The following ZMYND15 variants were observed in gnomAD, a reference collection of about 807,000 sequenced individuals.
The protein encoded by ZMYND15 is zinc finger MYND domain-containing protein 15.
Under a neutral mutation model 81.7 loss-of-function variants are expected in ZMYND15, and 54 were observed. The ratio of observed to expected loss-of-function variants is 0.66; its 90% CI spans 0.53 to 0.83. The LOEUF (loss-of-function observed/expected upper bound fraction) is 0.83. Among genes scored for constraint, ZMYND15 ranks in the 40% least tolerant of loss-of-function variants. The pLI, the probability that ZMYND15 is intolerant of heterozygous loss-of-function variation, is 0.00. For missense variants in ZMYND15, 925 were observed against 973.5 expected, an observed-to-expected ratio of 0.95 and a Z score of 0.66; for synonymous variants, 399 against 387.0, an observed-to-expected ratio of 1.03 and a Z score of -0.36.
chr17:4,741,943 G>C lies in ZMYND15; in HGVS notation c.856G>C (p.Gly286Arg). The C allele has an allele frequency of 6.2e-7, 1 of 1,614,206 alleles. No homozygotes were observed. Among genetic ancestry groups the C allele is most frequent in the Non-Finnish European group, 8.5e-7 (1 of 1,180,030 alleles). ...RELESLVPRL[G>R]VKLAKTPMRT... ...GCTGGAGAGCTTGGTCCCAAGGCTAGGTGTGAAGTTAGCCAAAACCCCAAT... is the reference window on the plus strand; with the variant it reads ...GCTGGAGAGCTTGGTCCCAAGGCTACGTGTGAAGTTAGCCAAAACCCCAAT... The change falls in exon 4 of 14, where the codon GGT becomes CGT. Residue 286 changes from glycine (G) to arginine (R), a missense_variant. By Grantham distance (125) the Gly-to-Arg change is moderately radical. Coordinates refer to ENST00000433935, the MANE Select transcript of ZMYND15 (RefSeq NM_001136046.3).
chr17:4,744,162 A>G lies in ZMYND15; in HGVS notation c.1496-28A>G, dbSNP rs922163863. ...GGATGGGGGAGTGAGAGTGGACCAC[A>G]TCCTTAAAGCGCTGGTTTTTCACCC... On this transcript the variant is annotated intron_variant, in intron 8 of 13. Transcript: ENST00000433935. This position sits in a 1 kb window ranked among gnomAD's most constrained non-coding sequence, Gnocchi z 4.1. The G allele has an allele frequency of 4.3e-6, 7 of 1,613,812 alleles. No individual in the cohort carries two copies. In the African/African-American group the frequency reaches 6.7e-5, roughly 15 times the overall value.
rs766586490 is a variant in ZMYND15 at position 4,744,432 on chromosome 17, C to G, written c.1648C>G (p.Pro550Ala). 1.2e-6 allele frequency: 2 copies of G among 1,614,106 alleles called. No individual in the cohort carries two copies. The highest frequency in any genetic ancestry group is 8.5e-7 in the Non-Finnish European group (1 of 1,180,008). ...ELQFVGDGLPPESDEQHFTLQ... is the reference protein window; with the variant it reads ...ELQFVGDGLPAESDEQHFTLQ... ...GCAGTTTGTAGGTGATGGCCTGCCC[C>G]CCGAAAGCGACGAGCAGCATTTTAC... is the stretch of plus-strand genomic sequence containing the variant. The change falls in exon 10 of 14, where the codon CCC (proline) becomes GCC (alanine). Residue 550 changes from proline to alanine, a missense_variant. Physicochemically the swap from Pro to Ala is conservative, Grantham distance 27 (BLOSUM62 -1). Transcript: ENST00000433935. This position sits in a 1 kb window ranked among gnomAD's most constrained non-coding sequence, Gnocchi z 4.1.
Position 4,743,454 on chromosome 17 carries a change from T to A in ZMYND15, c.1296T>A (p.Gly432=). 1 of 1,613,904 alleles carries A rather than the reference T, an allele frequency of 6.2e-7. No individual in the cohort carries two copies. The highest frequency in any genetic ancestry group is 8.5e-7 in the Non-Finnish European group (1 of 1,179,954). ...GNTPSLSLLR[G]GDPYQLLQGD... ...CGCCATCCCTCAGCCTTCTTCGCGG[T>A]GGTGCGTGGGGTCTCTCCAGGCATG... The change falls in exon 6 of 14, where the codon GGT becomes GGA. Residue 432 remains glycine, a splice_region_variant and synonymous_variant. Coordinates refer to ENST00000433935, the MANE Select transcript of ZMYND15 (RefSeq NM_001136046.3). This position sits in a 1 kb window ranked among gnomAD's most constrained non-coding sequence, Gnocchi z 4.3.
Position 4,744,618 on chromosome 17 carries a change from C to T in ZMYND15, c.1684-7C>T, listed in dbSNP as rs754450701. On this transcript the variant is annotated splice_region_variant and splice_polypyrimidine_tract_variant and intron_variant, in intron 10 of 13. Transcript: ENST00000433935. The surrounding 1 kb of genome is among the most constrained non-coding windows in gnomAD (Gnocchi z 4.1). Reference sequence around the variant, plus strand: ...GGCTTTTCCACCCCACTCCTGGGGCCCCTCAGGACAGCCTGGAGGTGTCTG... The same window carrying T: ...GGCTTTTCCACCCCACTCCTGGGGCTCCTCAGGACAGCCTGGAGGTGTCTG... The T allele has an allele frequency of 1.9e-6, 3 of 1,607,328 alleles. No individual in the cohort carries two copies. Among genetic ancestry groups the T allele is most frequent in the Non-Finnish European group, 2.5e-6 (3 of 1,177,364 alleles).
Position 4,739,987 on chromosome 17 carries a change from A to C in ZMYND15, c.-94A>C. ...CGAGGGCTCGGGCAGCCCTGACGTCACAACCGCACCCGCGCACCCTCCACC... is the reference window on the plus strand; with the variant it reads ...CGAGGGCTCGGGCAGCCCTGACGTCCCAACCGCACCCGCGCACCCTCCACC... On this transcript the variant is annotated 5_prime_UTR_variant, in exon 1 of 14. Coordinates refer to ENST00000433935, the MANE Select transcript of ZMYND15 (RefSeq NM_001136046.3). The surrounding 1 kb of genome is among the most constrained non-coding windows in gnomAD (Gnocchi z 5.3). 1 of 985,310 alleles carries C rather than the reference A, an allele frequency of 1.0e-6. No homozygotes were observed. Among genetic ancestry groups the C allele is most frequent in the Non-Finnish European group, 1.2e-6 (1 of 829,910 alleles). 61.0% of individuals were successfully genotyped at this position (985,310 alleles called of 1,614,324 possible). A position where few individuals can be genotyped will look rare whatever the true frequency, so the allele number is the denominator to read the frequency against.
At position 4,745,460 on chromosome 17, in the gene ZMYND15, C is replaced by CT. The variant is rs1311980411; in HGVS notation, c.2057+86dup. ...ACATCCTCGAAGGCCCACCTCTACC[C>CT]TAGTCCCTGCTGTCCTGGGGCCCTC... On this transcript the variant is annotated intron_variant, in intron 13 of 13. Coordinates refer to ENST00000433935, the MANE Select transcript of ZMYND15 (RefSeq NM_001136046.3). The surrounding 1 kb of genome is among the most constrained non-coding windows in gnomAD (Gnocchi z 5.2). 6.7e-7 allele frequency: 1 copy of CT among 1,486,280 alleles called. No homozygotes were observed. The highest frequency in any genetic ancestry group is 9.0e-7 in the Non-Finnish European group (1 of 1,106,104). The allele number at this position is 1,486,280 out of a possible 1,614,324, so 92.1% of individuals were successfully genotyped here. A position where few individuals can be genotyped will look rare whatever the true frequency, so the allele number is the denominator to read the frequency against.
rs1916629454 is a variant in ZMYND15 at position 4,745,641 on chromosome 17, G to A, written c.2058-178G>A. Among the ~76,000 whole-genome samples, 1 of 151,110 alleles carries A rather than the reference G, an allele frequency of 6.6e-6. No homozygotes were observed. The highest frequency in any genetic ancestry group is 2.5e-5 in the African/African-American group (1 of 40,748). ...GCGACCCTCCAACAGACCCAACCCTGAGTCTAGCCCCACGCCCTGGAACTC... is the reference window on the plus strand; with the variant it reads ...GCGACCCTCCAACAGACCCAACCCTAAGTCTAGCCCCACGCCCTGGAACTC... On this transcript the variant is annotated intron_variant, in intron 13 of 13. Transcript: ENST00000433935. The surrounding 1 kb of genome is among the most constrained non-coding windows in gnomAD (Gnocchi z 5.2).
At chr17:4,742,180 G>C (rs757270713) in intron 4 of ZMYND15, 110 bp downstream of exon 4, 1 of 1,550,966 alleles carries the variant, frequency 6.4e-7, no homozygotes, top group Admixed American at 1.8e-5. Context: ...GACATGAGAA[G>C]ATGCAGAGGA....
rs1428142497 is a variant in ZMYND15 at position 4,740,723 on chromosome 17, C to T, written c.175C>T (p.Leu59Phe). The T allele has an allele frequency of 1.2e-6, 2 of 1,611,532 alleles. No individual in the cohort carries two copies. Among genetic ancestry groups the T allele is most frequent in the East Asian group, 2.2e-5 (1 of 44,810 alleles). ...ACCCCAGGACCCTGCCCTTTGGGTG[C>T]TCCATGTCCTGCCCAACCATAGTGT... The part of the protein sequence containing the change: ...RLPQDPALWV[L>F]HVLPNHSVGI... Residue 59 changes from leucine to phenylalanine, a missense_variant, in exon 2 of 14, where the codon CTC (leucine) becomes TTC (phenylalanine). Leu to Phe is a conservative substitution (Grantham distance 22). Transcript: ENST00000433935.
In ZMYND15 at chr17:4,740,855, T is replaced by C. The variant is rs141553298; in HGVS notation, c.307T>C (p.Tyr103His). The change falls in exon 2 of 14, where the codon TAC (tyrosine) becomes CAC (histidine). Residue 103 changes from tyrosine to histidine, a missense_variant. By Grantham distance (83) the Tyr-to-His change is moderately conservative. Transcript: ENST00000433935. ...ACTCCACCTGCGAGACCTGAGCCCC[T>C]ACATCAGCTTTGTCAGCCTAGAGGA... ...PPLHLRDLSP[Y>H]ISFVSLEDGE... 1.3e-5 allele frequency: 21 copies of C among 1,575,222 alleles called. No individual in the cohort carries two copies. The highest frequency in any genetic ancestry group is 8.1e-5 in the African/African-American group (6 of 73,874).
Position 4,743,354 on chromosome 17 carries a change from T to C in ZMYND15, c.1196T>C (p.Leu399Pro). ...NKEAFLASRGLTRGYWTQLSM... is the reference protein window; with the variant it reads ...NKEAFLASRGPTRGYWTQLSM... The stretch of plus-strand genomic sequence containing the variant: ...GAGGCCTTCCTGGCCTCTCGGGGCC[T>C]CACTCGTGGCTATTGGACCCAGCTC... Residue 399 changes from leucine to proline, a missense_variant, in exon 6 of 14, where the codon CTC (leucine) becomes CCC (proline). Transcript: ENST00000433935. The surrounding 1 kb of genome is among the most constrained non-coding windows in gnomAD (Gnocchi z 4.3). 2 of 1,614,002 alleles carry C rather than the reference T, an allele frequency of 1.2e-6. No homozygotes were observed. Among genetic ancestry groups the C allele is most frequent in the Non-Finnish European group, 1.7e-6 (2 of 1,179,990 alleles).
intron 1 of ZMYND15, 125 bp downstream of exon 1, chr17:4,740,175 C>A (rs546473505): frequency 2.7e-6 from 2 of 737,812 alleles, no homozygotes; most frequent in Admixed American, 1.2e-4. Flanking sequence ...AAAATGCTTC[C>A]CTCCCCACCA....
At position 4,745,716 on chromosome 17, in the gene ZMYND15, CCCCCTGGTCCCTGACCGCG is replaced by C; in HGVS notation, c.2058-95_2058-77del. The C allele has an allele frequency of 1.3e-6, 1 of 794,324 alleles. No individual in the cohort carries two copies. The highest frequency in any genetic ancestry group is 1.9e-6 in the Non-Finnish European group (1 of 517,434). 49.2% of individuals were successfully genotyped at this position (794,324 alleles called of 1,614,324 possible). On this transcript the variant is annotated intron_variant, in intron 13 of 13. Transcript: ENST00000433935. The surrounding 1 kb of genome is among the most constrained non-coding windows in gnomAD (Gnocchi z 5.2). ...TCCCTGACCGCCCGGTGGAGCCCCG[CCCCCTGGTCCCTGACCGCG>C]CCCCTGGGAGCCCCGACCCCTGGGA...
rs767791913 is a variant in ZMYND15, at chr17:4,745,118, C to A, written c.1897-97C>A. 6.9e-6 allele frequency: 11 copies of A among 1,597,864 alleles called. No individual in the cohort carries two copies. Among genetic ancestry groups the A allele is most frequent in the Non-Finnish European group, 9.4e-6 (11 of 1,170,028 alleles). ...CTCCCCCTGCTCCCCTCCGCCCGGTCTGTCCGGGGACCTCGGCTTTCAGCC... is the reference window on the plus strand; with the variant it reads ...CTCCCCCTGCTCCCCTCCGCCCGGTATGTCCGGGGACCTCGGCTTTCAGCC... On this transcript the variant is annotated intron_variant, in intron 12 of 13. Coordinates refer to ENST00000433935, the MANE Select transcript of ZMYND15 (RefSeq NM_001136046.3). The surrounding 1 kb of genome is among the most constrained non-coding windows in gnomAD (Gnocchi z 5.2).
chr17:4,743,927 G>C lies in ZMYND15; in HGVS notation c.1379-64G>C. On this transcript the variant is annotated intron_variant, in intron 7 of 13. Coordinates refer to ENST00000433935, the MANE Select transcript of ZMYND15 (RefSeq NM_001136046.3). This position sits in a 1 kb window ranked among gnomAD's most constrained non-coding sequence, Gnocchi z 4.3. ...AGAGCCTGGGTGGCTGTGAAGAAGA[G>C]GTTTGTTAGACTAGAGGGGGTGGGG... 1 of 1,578,480 alleles carries C rather than the reference G, an allele frequency of 6.3e-7. No homozygotes were observed. Among genetic ancestry groups the C allele is most frequent in the Non-Finnish European group, 8.6e-7 (1 of 1,159,150 alleles).
Position 4,743,709 on chromosome 17 carries a change from A to C in ZMYND15, c.1298-58A>C. On this transcript the variant is annotated intron_variant, in intron 6 of 13. Transcript: ENST00000433935. The surrounding 1 kb of genome is among the most constrained non-coding windows in gnomAD (Gnocchi z 4.3). ...TACAGCCCCTTTGGAAGGAAGAAAG[A>C]GATGGGTCAGGTGGGGGTCTCCCTG... The C allele has an allele frequency of 6.6e-7, 1 of 1,525,974 alleles. No homozygotes were observed. Among genetic ancestry groups the C allele is most frequent in the Non-Finnish European group, 8.9e-7 (1 of 1,121,502 alleles). 94.5% of individuals were successfully genotyped at this position (1,525,974 alleles called of 1,614,324 possible).
In ZMYND15 at chr17:4,743,345, C is replaced by G. The variant is rs1392680846; in HGVS notation, c.1187C>G (p.Ser396Cys). ...ETFNKEAFLA[S>C]RGLTRGYWTQ... The stretch of plus-strand genomic sequence containing the variant: ...TTCAACAAAGAGGCCTTCCTGGCCT[C>G]TCGGGGCCTCACTCGTGGCTATTGG... Residue 396 changes from serine (S) to cysteine (C), a missense_variant, in exon 6 of 14, where the codon TCT (serine) becomes TGT (cysteine). Transcript: ENST00000433935. The surrounding 1 kb of genome is among the most constrained non-coding windows in gnomAD (Gnocchi z 4.3). 6.2e-7 allele frequency: 1 copy of G among 1,614,152 alleles called. No individual in the cohort carries two copies. The highest frequency in any genetic ancestry group is 1.3e-5 in the African/African-American group (1 of 75,018).
chr17:4,744,130 T>C lies in ZMYND15; in HGVS notation c.1495+23T>C, dbSNP rs746122067. Reference sequence around the variant, plus strand: ...CCTGTAAGGAGAGCGGAGTGGGGGGTGGAGCAGGATGGGGGAGTGAGAGTG... The same window carrying C: ...CCTGTAAGGAGAGCGGAGTGGGGGGCGGAGCAGGATGGGGGAGTGAGAGTG... On this transcript the variant is annotated intron_variant, in intron 8 of 13. Transcript: ENST00000433935. This position sits in a 1 kb window ranked among gnomAD's most constrained non-coding sequence, Gnocchi z 4.1. 2.5e-6 allele frequency: 4 copies of C among 1,607,194 alleles called. No homozygotes were observed. In the South Asian group the frequency reaches 4.4e-5, roughly 18 times the overall value.
Position 4,745,003 on chromosome 17 carries a change from C to A in ZMYND15, c.1896+75C>A. On this transcript the variant is annotated intron_variant, in intron 12 of 13. Coordinates refer to ENST00000433935, the MANE Select transcript of ZMYND15 (RefSeq NM_001136046.3). The surrounding 1 kb of genome is among the most constrained non-coding windows in gnomAD (Gnocchi z 5.2). Reference sequence around the variant, plus strand: ...TCCCCATCTCCTTTTCTGAAAGTCTCTGGGCTCTCCTCCTCTTCACCATCA... The same window carrying A: ...TCCCCATCTCCTTTTCTGAAAGTCTATGGGCTCTCCTCCTCTTCACCATCA... 6.3e-7 allele frequency: 1 copy of A among 1,593,832 alleles called. No individual in the cohort carries two copies. Among genetic ancestry groups the A allele is most frequent in the South Asian group, 1.1e-5 (1 of 90,286 alleles).
Sources: gnomAD v4.1 joint callset for allele counts (sites outside exome capture counted in the v4.1 genomes callset) on GRCh38, gnomAD v4.1.1 for gene constraint, Gnocchi (gnomAD v3.1) non-coding constraint, MANE v1.5 for transcripts, NCBI Gene and HGNC (gene_info 2026-07-23, HGNC 2026-07-21) for gene names.